FAT3: variants seen among roughly 807,000 people sequenced by gnomAD.
FAT3 encodes the protein FAT atypical cadherin 3, also known as protocadherin Fat 3.
FAT3 carries 95 observed loss-of-function variants against 310.2 expected under a neutral mutation model. The ratio of observed to expected loss-of-function variants is 0.31; its 90% CI spans 0.26 to 0.36. FAT3 has a LOEUF of 0.36. Among genes scored for constraint, FAT3 ranks in the 10% least tolerant of loss-of-function variants. The probability of loss-of-function intolerance (pLI) is 1.00; values close to 1 mark genes in which losing one functional copy is unlikely to be tolerated. For missense variants in FAT3, 5,408 were observed against 5,715.6 expected, an observed-to-expected ratio of 0.95 and a Z score of 1.74; for synonymous variants, 2,314 against 2,192.9, an observed-to-expected ratio of 1.06 and a Z score of -1.54.
At chr11:92,449,050 G>A (rs1242978811) in intron 2 of FAT3, among the ~76,000 whole-genome samples, 1 of 152,004 alleles carries the variant, frequency 6.6e-6, no homozygotes, top group Non-Finnish European at 1.5e-5. Context: ...TCTCACACTG[G>A]CCCGGGCTCA....
intron 4 of FAT3, among the ~76,000 whole-genome samples, chr11:92,726,050 C>T (rs1944986892): frequency 1.3e-5 from 2 of 152,048 alleles, no homozygotes; most frequent in Non-Finnish European, 2.9e-5. Context: ...ATCTCAATGA[C>T]ACTGATTTGG....
intron 1 of FAT3, among the ~76,000 whole-genome samples, chr11:92,250,998 T>A (rs1244892839): frequency 6.6e-6 from 1 of 152,188 alleles, no homozygotes; most frequent in African/African-American, 2.4e-5. Context: ...ATAAAGATAG[T>A]CATATTTACT....
intron 3 of FAT3, among the ~76,000 whole-genome samples, chr11:92,619,714 A>G (rs1350434065): frequency 6.6e-6 from 1 of 151,002 alleles, no homozygotes; most frequent in East Asian, 1.9e-4. Context: ...GTCGTTTCTC[A>G]TTTCTGATTT....
intron 1 of FAT3, among the ~76,000 whole-genome samples, chr11:92,247,983 A>C (rs898786774): frequency 1.3e-5 from 2 of 152,114 alleles, no homozygotes; most frequent in African/African-American, 4.8e-5. Context: ...CTGTCTCAAA[A>C]AAAGCAAGTT....
chr11:92,751,855 G>A (rs972130317), intron 4 of FAT3, among the ~76,000 whole-genome samples: 2 of 152,136 alleles, frequency 1.3e-5, no homozygotes, highest in African/African-American at 4.8e-5. Flanking sequence ...CCCGTGTTCT[G>A]TCACTTTCCG....
At chr11:92,640,019 T>C (rs2511284) in intron 3 of FAT3, among the ~76,000 whole-genome samples, 87,094 of 152,016 alleles carry the variant, frequency 0.57, 26,695 homozygotes, top group African/African-American at 0.8. Context: ...CCTACTGTCC[T>C]TGGCCAGACC....
chr11:92,230,971 A>T (rs1413939212), intron 1 of FAT3, among the ~76,000 whole-genome samples: 1 of 152,206 alleles, frequency 6.6e-6, no homozygotes, highest in Admixed American at 6.5e-5. Context: ...TTCATTTGTC[A>T]GGGGGCAGTG....
intron 3 of FAT3, among the ~76,000 whole-genome samples, chr11:92,653,721 A>G (rs568802348): frequency 1.2e-3 from 185 of 152,242 alleles, no homozygotes; most frequent in African/African-American, 4.3e-3. Flanking sequence ...TATTCTTCCT[A>G]CTGTGATCCT....
intron 17 of FAT3, among the ~76,000 whole-genome samples, chr11:92,838,283 T>C (rs1948455870): frequency 1.3e-5 from 2 of 152,210 alleles, no homozygotes; most frequent in African/African-American, 4.8e-5. Flanking sequence ...GTCTCATCAG[T>C]CAAAGACAGA....
rs909527807 is a variant in FAT3, at chr11:92,247,731, T to G, written c.-18+22557T>G. ...AAGATGTTTAGGTTCACCTGTTTTT[T>G]TTTTTTTTTTTATATTCAAGCTTCT... On this transcript the variant is annotated intron_variant, in intron 1 of 27. Coordinates refer to ENST00000525166, the MANE Select transcript of FAT3 (RefSeq NM_001367949.2). Among the ~76,000 whole-genome samples, 9 of 151,928 alleles carry G rather than the reference T, an allele frequency of 5.9e-5. No individual in the cohort carries two copies. In the South Asian group the frequency reaches 1.2e-3, roughly 21 times the overall value.
chr11:92,798,737 A>G lies in FAT3; in HGVS notation c.5724A>G (p.Thr1908=). 2 of 1,613,884 alleles carry G rather than the reference A, an allele frequency of 1.2e-6. No homozygotes were observed. Among genetic ancestry groups the G allele is most frequent in the Non-Finnish European group, 1.7e-6 (2 of 1,179,844 alleles). Residue 1908 remains threonine, a synonymous_variant, in exon 10 of 28, where the codon ACA becomes ACG. Transcript: ENST00000525166. ...TGGAGGTTCTGAAAGTTAGTGCCAC[A>G]GATCCTGACTCTGAGGTACCCCCTG... is the stretch of plus-strand genomic sequence containing the variant. ...VGVEVLKVSA[T]DPDSEVPPEL...
At chr11:92,591,610 A>G (rs1259071963) in intron 3 of FAT3, among the ~76,000 whole-genome samples, 2 of 152,156 alleles carry the variant, frequency 1.3e-5, no homozygotes, top group African/African-American at 2.4e-5. Flanking sequence ...TTCATGTCTA[A>G]TGCAGTTTCA....
chr11:92,601,342 C>CTG (rs143776283), intron 3 of FAT3, among the ~76,000 whole-genome samples: 5,420 of 152,096 alleles, frequency 0.036, 316 homozygotes, highest in African/African-American at 0.12. Flanking sequence ...GGCAGATCAC[C>CTG]TGAGGTCAGG....
In FAT3 at chr11:92,524,743, C is replaced by T. The variant is rs773779917; in HGVS notation, c.3402C>T (p.Val1134=). 1 of 1,613,786 alleles carries T rather than the reference C, an allele frequency of 6.2e-7. No homozygotes were observed. The highest frequency in any genetic ancestry group is 8.5e-7 in the Non-Finnish European group (1 of 1,179,816). ...GVVPLYSTIE[V]YIEVEDVNDN... ...TTCCACTCTACTCCACCATTGAGGT[C>T]TACATTGAAGTTGAAGATGTGAATG... The change falls in exon 3 of 28, where the codon GTC becomes GTT. Residue 1134 remains valine (V), a synonymous_variant. Transcript: ENST00000525166.
chr11:92,577,861 T>C (rs758173038), intron 3 of FAT3, among the ~76,000 whole-genome samples: 2 of 152,118 alleles, frequency 1.3e-5, no homozygotes, highest in African/African-American at 2.4e-5. Context: ...GATTGTTTTA[T>C]TTCTTTCTAT....
intron 3 of FAT3, among the ~76,000 whole-genome samples, chr11:92,593,266 A>C (rs991589621): frequency 1.3e-5 from 2 of 152,134 alleles, no homozygotes; most frequent in Non-Finnish European, 2.9e-5. Flanking sequence ...GCTGCTGTGA[A>C]CATGGGTGAA....
At chr11:92,267,882 CTTAT>C (rs1001154150) in intron 1 of FAT3, among the ~76,000 whole-genome samples, 1 of 151,982 alleles carries the variant, frequency 6.6e-6, no homozygotes, top group African/African-American at 2.4e-5. Context: ...TGTATTAACA[CTTAT>C]TTATTAGGCT....
At chr11:92,521,502 G>A (rs747100596) in intron 2 of FAT3, among the ~76,000 whole-genome samples, 6 of 142,356 alleles carry the variant, frequency 4.2e-5, no homozygotes, top group Admixed American at 3.6e-4. Context: ...GATTTAACAC[G>A]TACTCAGCAT....
intron 4 of FAT3, among the ~76,000 whole-genome samples, chr11:92,710,356 G>T (rs1944483048): frequency 1.3e-5 from 2 of 152,128 alleles, no homozygotes; most frequent in South Asian, 4.1e-4. Flanking sequence ...CATGGTATAT[G>T]GCATTCTTCT....
Sources: gnomAD v4.1 joint callset for allele counts (sites outside exome capture counted in the v4.1 genomes callset) on GRCh38, gnomAD v4.1.1 for gene constraint, MANE v1.5 for transcripts, NCBI Gene and HGNC (gene_info 2026-07-23, HGNC 2026-07-21) for gene names.